AGL: variants seen among roughly 807,000 people sequenced by gnomAD.
AGL encodes amylo-alpha-1,6-glucosidase and 4-alpha-glucanotransferase, also known as glycogen debranching enzyme.
Under a neutral mutation model 199.3 loss-of-function variants are expected in AGL, and 128 were observed. The ratio of observed to expected loss-of-function variants is 0.64; its 90% CI spans 0.56 to 0.74. The LOEUF (loss-of-function observed/expected upper bound fraction) is 0.74, where lower values mean the gene tolerates loss of function less well. Among genes scored for constraint, AGL ranks in the 30% least tolerant of loss-of-function variants. The pLI, the probability that AGL is intolerant of heterozygous loss-of-function variation, is 0.00. For synonymous variants in AGL, 584 were observed against 594.7 expected, an observed-to-expected ratio of 0.98 and a Z score of 0.26; for missense variants, 1,809 against 1,820.8, an observed-to-expected ratio of 0.99 and a Z score of 0.12.
intron 16 of AGL, 34 bp from the exon 17 acceptor site, chr1:99,881,507 G>A: frequency 6.2e-7 from 1 of 1,613,952 alleles, no homozygotes; most frequent in Non-Finnish European, 8.5e-7. Context: ...TTTCCAGTTT[G>A]AGAGCTAATC....
At chr1:99,901,887 C>T (rs755374752) in intron 26 of AGL, among the ~76,000 whole-genome samples, 15 of 152,062 alleles carry the variant, frequency 9.9e-5, no homozygotes, top group Admixed American at 5.2e-4. Flanking sequence ...TATTTGTCCT[C>T]TGTTATCAAC....
rs200246710 is a variant in AGL, at chr1:99,900,759, G to C, written c.3486G>C (p.Gln1162His). Residue 1162 changes from glutamine (Q) to histidine (H), a missense_variant, in exon 26 of 34, where the codon CAG becomes CAC. Transcript: ENST00000361915. ...DAVWWWLQCI[Q>H]DYCKMVPNGL... ...TGTGGTGGTGGCTGCAGTGTATCCA[G>C]GATTACTGTAAAATGGTTCCAAATG... 2 of 1,614,042 alleles carry C rather than the reference G, an allele frequency of 1.2e-6. No individual in the cohort carries two copies. Among genetic ancestry groups the C allele is most frequent in the East Asian group, 2.2e-5 (1 of 44,876 alleles).
intron 2 of AGL, among the ~76,000 whole-genome samples, chr1:99,855,664 G>T (rs1021178264): frequency 6.6e-6 from 1 of 152,006 alleles, no homozygotes; most frequent in African/African-American, 2.4e-5. Flanking sequence ...AGCCAGATGT[G>T]GTGACATGCA....
chr1:99,867,099 G>A (rs1284709778), intron 5 of AGL, among the ~76,000 whole-genome samples: 5 of 152,160 alleles, frequency 3.3e-5, no homozygotes, highest in South Asian at 2.1e-4. Flanking sequence ...GATTACAGGC[G>A]TGAGCCACTG....
Position 99,879,982 on chromosome 1 carries a change from C to A in AGL, c.1671C>A (p.Phe557Leu), listed in dbSNP as rs1651875081. The change falls in exon 13 of 34, where the codon TTC (phenylalanine) becomes TTA (leucine). Residue 557 changes from phenylalanine (F) to leucine (L), a missense_variant. Transcript: ENST00000361915. Reference sequence around the variant, plus strand: ...ATTTATATGTAGTAGCTGAACTGTTCACAGGAAGTGAAGATCTGGACAATG... The same window carrying A: ...ATTTATATGTAGTAGCTGAACTGTTAACAGGAAGTGAAGATCTGGACAATG... Reference protein sequence around the residue: ...QPNLYVVAELFTGSEDLDNVF... With the variant: ...QPNLYVVAELLTGSEDLDNVF... The A allele has an allele frequency of 6.2e-7, 1 of 1,613,726 alleles. No individual in the cohort carries two copies. The highest frequency in any genetic ancestry group is 8.5e-7 in the Non-Finnish European group (1 of 1,179,808).
intron 8 of AGL, 130 bp from the exon 9 acceptor site, chr1:99,875,024 A>G: frequency 9.6e-7 from 1 of 1,044,110 alleles, no homozygotes; most frequent in South Asian, 1.5e-5. Flanking sequence ...ACAATTGGAA[A>G]ACATCATCAG....
intron 2 of AGL, among the ~76,000 whole-genome samples, chr1:99,860,421 A>G (rs1303125136): frequency 1.3e-5 from 2 of 152,104 alleles, no homozygotes; most frequent in Admixed American, 1.3e-4. Flanking sequence ...TTTAAAATTT[A>G]TATGTATTAT....
intron 33 of AGL, among the ~76,000 whole-genome samples, chr1:99,920,521 G>A (rs543521201): frequency 6.6e-6 from 1 of 152,238 alleles, no homozygotes; most frequent in East Asian, 1.9e-4. Context: ...TCCAACTTCA[G>A]TCATTTGGCA....
chr1:99,852,351 C>CTTTTTTTT (rs11363065), intron 2 of AGL, among the ~76,000 whole-genome samples: 30 of 97,500 alleles, frequency 3.1e-4, no homozygotes, highest in Middle Eastern at 6.1e-3. Context: ...GCATTCATTT[C>CTTTTTTTT]TTTTTTTTTT....
Position 99,881,570 on chromosome 1 carries a change from A to G in AGL, c.2187A>G (p.Ile729Met). The change falls in exon 17 of 34, where the codon ATA (isoleucine) becomes ATG (methionine). Residue 729 changes from isoleucine (I) to methionine (M), a missense_variant. Transcript: ENST00000361915. ...ATGTGGATCAAGTTGATGAAGACAT[A>G]GTGGCAGTAACAAGACACTCACCTA... is the stretch of plus-strand genomic sequence containing the variant. ...QVYVDQVDED[I>M]VAVTRHSPSI... is the part of the protein sequence containing the mutation. The G allele has an allele frequency of 6.2e-7, 1 of 1,614,048 alleles. No individual in the cohort carries two copies. The highest frequency in any genetic ancestry group is 8.5e-7 in the Non-Finnish European group (1 of 1,179,972).
rs1197553122 is a variant in AGL, at chr1:99,896,329, G to A, written c.3303G>A (p.Arg1101=). 1.2e-6 allele frequency: 2 copies of A among 1,614,000 alleles called. No homozygotes were observed. The highest frequency in any genetic ancestry group is 8.5e-7 in the Non-Finnish European group (1 of 1,179,998). The part of the protein sequence containing the change: ...FSSGIFRCWG[R]DTFIALRGIL... The stretch of plus-strand genomic sequence containing the variant: ...CTGGTATTTTCCGCTGCTGGGGAAG[G>A]GATACTTTTATTGCACTTAGAGGTA... The change falls in exon 25 of 34, where the codon AGG becomes AGA. Residue 1101 remains arginine (R), a synonymous_variant. Transcript: ENST00000361915.
rs972095876 is a variant in AGL at position 99,889,439 on chromosome 1, A to T, written c.2812+1331A>T. 2.0e-5 allele frequency among the ~76,000 whole-genome samples: 3 copies of T among 152,174 alleles called. No individual in the cohort carries two copies. In the East Asian group the frequency reaches 5.8e-4, roughly 29 times the overall value. On this transcript the variant is annotated intron_variant, in intron 21 of 33. Coordinates refer to ENST00000361915, the MANE Select transcript of AGL (RefSeq NM_000642.3). ...AGAAAGAAGTGTATGTGAGCCAGAC[A>T]TGGTGGCTTCCACCTGTAATCTCAT...
At chr1:99,899,532 CTCTCTCTCTT>C (rs1440681812) in intron 25 of AGL, among the ~76,000 whole-genome samples, 5 of 150,214 alleles carry the variant, frequency 3.3e-5, no homozygotes, top group Admixed American at 1.3e-4. Context: ...CTCTCTCTTT[CTCTCTCTCTT>C]TCTCTCTCTC....
At chr1:99,891,475 T>A in intron 22 of AGL, 119 bp downstream of exon 22, 1 of 1,508,690 alleles carries the variant, frequency 6.6e-7, no homozygotes. Context: ...TCCTTCATCA[T>A]CTTTCAGTTA....
At position 99,892,412 on chromosome 1, in the gene AGL, T is replaced by C; in HGVS notation, c.3084-20T>C. ...AAATTGTATTTCTACAAGTAATAAA[T>C]TCAATCACTTTTGTTACAGCTTTGT... On this transcript the variant is annotated intron_variant, in intron 23 of 33. Coordinates refer to ENST00000361915, the MANE Select transcript of AGL (RefSeq NM_000642.3). 1 of 1,610,030 alleles carries C rather than the reference T, an allele frequency of 6.2e-7. No homozygotes were observed. Among genetic ancestry groups the C allele is most frequent in the Non-Finnish European group, 8.5e-7 (1 of 1,176,708 alleles).
chr1:99,866,813 T>TTTA (rs765737265), intron 5 of AGL, among the ~76,000 whole-genome samples: 50 of 44,166 alleles, frequency 1.1e-3, no homozygotes, highest in African/African-American at 3.5e-3. Flanking sequence ...TATTTATTTA[T>TTTA]TTTATTTATT....
chr1:99,899,838 T>C (rs1653671140), intron 25 of AGL, among the ~76,000 whole-genome samples: 1 of 151,782 alleles, frequency 6.6e-6, no homozygotes, highest in Non-Finnish European at 1.5e-5. Flanking sequence ...GTCAGGATGG[T>C]CTCGATCTCC....
chr1:99,920,480 T>C (rs1241824177), intron 33 of AGL, among the ~76,000 whole-genome samples: 1 of 152,244 alleles, frequency 6.6e-6, no homozygotes, highest in Non-Finnish European at 1.5e-5. Context: ...TCTGTGGAGA[T>C]GTAATTCAAC....
chr1:99,888,140 G>GT (rs746714684), intron 21 of AGL, 32 bp downstream of exon 21: 22 of 1,609,596 alleles, frequency 1.4e-5, no homozygotes, highest in Non-Finnish European at 1.8e-5. Context: ...TGAGCTTTGT[G>GT]TTTTTCTTTT....
Sources: allele counts gnomAD v4.1 joint callset (sites outside exome capture counted in the v4.1 genomes callset), GRCh38; gene constraint gnomAD v4.1.1; transcripts MANE v1.5; gene names NCBI Gene and HGNC (gene_info 2026-07-23, HGNC 2026-07-21).